The following SYT14 variants were observed in gnomAD, a reference collection of about 807,000 sequenced individuals.
SYT14 encodes synaptotagmin-14.
SYT14 carries 32 observed loss-of-function variants against 74.2 expected under a neutral mutation model. The observed-to-expected ratio is 0.43, with a 90% confidence interval of 0.33 to 0.58. The LOEUF (loss-of-function observed/expected upper bound fraction) is 0.58. Ranked by LOEUF, SYT14 falls within the 20% of genes least tolerant of loss-of-function variation. SYT14 has a pLI of 0.05. For missense variants in SYT14, 791 were observed against 981.8 expected (o/e 0.81, Z 2.60); for synonymous variants, 298 against 337.7 (o/e 0.88, Z 1.29).
exon 10 of SYT14, chr1:210,164,282 C>A (rs1267127346): frequency 3.1e-5 from 7 of 228,216 alleles, no homozygotes; most frequent in Middle Eastern, 2.0e-3. Context: ...AATTGGACCA[C>A]AATTAAAAAA....
exon 10 of SYT14, chr1:210,170,450 A>G (rs1452827972): frequency 2.0e-5 from 3 of 152,126 alleles, no homozygotes; most frequent in Non-Finnish European, 4.4e-5. Flanking sequence ...ATTGTATTAC[A>G]TACAGAAATT....
At chr1:209,939,556 TA>T (rs1360652106) in intron 1 of SYT14, among the ~76,000 whole-genome samples, 5 of 152,246 alleles carry the variant, frequency 3.3e-5, no homozygotes, top group Non-Finnish European at 7.3e-5. Flanking sequence ...GAATAAGATC[TA>T]CCTATAATCT....
intron 2 of SYT14, among the ~76,000 whole-genome samples, chr1:209,955,161 T>C (rs1441512869): frequency 6.6e-6 from 1 of 152,190 alleles, no homozygotes; most frequent in African/African-American, 2.4e-5. Flanking sequence ...TATCTAGTTC[T>C]GTTGTTTTAA....
chr1:210,051,648 G>GTA (rs1380675584), intron 5 of SYT14, among the ~76,000 whole-genome samples: 1 of 152,078 alleles, frequency 6.6e-6, no homozygotes, highest in Admixed American at 6.5e-5. Context: ...GTGTGTATGT[G>GTA]TGTATATGTA....
At chr1:210,064,447 T>C (rs1295937506) in intron 5 of SYT14, among the ~76,000 whole-genome samples, 1 of 152,060 alleles carries the variant, frequency 6.6e-6, no homozygotes, top group African/African-American at 2.4e-5. Context: ...CCTTAGTCCT[T>C]GGTAACCACT....
At chr1:210,060,965 G>A (rs957976868) in intron 5 of SYT14, among the ~76,000 whole-genome samples, 21 of 151,894 alleles carry the variant, frequency 1.4e-4, no homozygotes, top group African/African-American at 1.9e-4. Flanking sequence ...CTCTGTCATC[G>A]TTATTTAAGT....
rs115369664 is a variant in SYT14 at position 210,130,029 on chromosome 1, A to G, written c.2035-25692A>G. 2.5e-3 allele frequency among the ~76,000 whole-genome samples: 378 copies of G among 152,320 alleles called. 1 individual carries two copies. Among genetic ancestry groups the G allele is most frequent in the Non-Finnish European group, 3.4e-3 (231 of 68,030 alleles). ...TTTTCTGGATAGCCCCAGGACTGCAATGAGTCACTGTTGAGTTCTGAAATA... is the reference window on the plus strand; with the variant it reads ...TTTTCTGGATAGCCCCAGGACTGCAGTGAGTCACTGTTGAGTTCTGAAATA... On this transcript the variant is annotated intron_variant, in intron 7 of 9. Coordinates refer to ENST00000637265, the Ensembl canonical transcript of SYT14.
intron 7 of SYT14, among the ~76,000 whole-genome samples, chr1:210,146,194 C>T (rs979194994): frequency 1.3e-5 from 2 of 151,972 alleles, no homozygotes; most frequent in African/African-American, 2.4e-5. Flanking sequence ...AAAAATTAAC[C>T]GGGCGTGTTG....
At chr1:210,082,668 T>C (rs2081638502) in intron 5 of SYT14, among the ~76,000 whole-genome samples, 1 of 152,208 alleles carries the variant, frequency 6.6e-6, no homozygotes, top group South Asian at 2.1e-4. Flanking sequence ...TCCTCAACTT[T>C]ATAGCTAGGA....
exon 1 of SYT14, chr1:209,938,274 G>A (rs761685338): frequency 3.2e-6 from 5 of 1,562,720 alleles, no homozygotes; most frequent in Non-Finnish European, 4.3e-6. Flanking sequence ...CATGGCGATT[G>A]AAGGTAAGTG....
At chr1:210,141,870 T>C (rs2102673514) in intron 7 of SYT14, among the ~76,000 whole-genome samples, 1 of 152,316 alleles carries the variant, frequency 6.6e-6, no homozygotes, top group Non-Finnish European at 1.5e-5. Flanking sequence ...GCTTTGCACA[T>C]GTGTGTAGAC....
chr1:210,070,074 G>T (rs1233722527), intron 5 of SYT14, among the ~76,000 whole-genome samples: 1 of 152,030 alleles, frequency 6.6e-6, no homozygotes, highest in Non-Finnish European at 1.5e-5. Flanking sequence ...ACATCACTTA[G>T]CATAAACATT....
In SYT14 at chr1:209,988,308, G is replaced by A. The variant is rs143359212; in HGVS notation, c.-485-25325G>A. On this transcript the variant is annotated intron_variant, in intron 2 of 9. Transcript: ENST00000637265. ...GATTTAGGCTTTTAAGAAAAGTTCC[G>A]TATCTCCTCTTACCACATTCGATCA... Among the ~76,000 whole-genome samples the A allele has an allele frequency of 3.9e-5, 6 of 152,212 alleles. No homozygotes were observed. In the East Asian group the frequency reaches 7.7e-4, roughly 20 times the overall value.
chr1:210,147,383 C>G (rs184154649), intron 7 of SYT14, among the ~76,000 whole-genome samples: 3 of 152,036 alleles, frequency 2.0e-5, no homozygotes, highest in Admixed American at 6.6e-5. Flanking sequence ...ATACATAGAT[C>G]ATCAGATTGA....
chr1:209,941,285 G>A (rs2078725924), intron 1 of SYT14, among the ~76,000 whole-genome samples: 1 of 152,146 alleles, frequency 6.6e-6, no homozygotes, highest in Admixed American at 6.5e-5. Context: ...ACCACATGGA[G>A]CTAACATAAT....
chr1:209,975,299 A>C (rs951495560), intron 2 of SYT14, among the ~76,000 whole-genome samples: 10 of 152,178 alleles, frequency 6.6e-5, no homozygotes, highest in African/African-American at 1.9e-4. Flanking sequence ...TTCAAAGGGA[A>C]TGCTTCCAGT....
chr1:210,062,447 C>T (rs142973372), intron 5 of SYT14, among the ~76,000 whole-genome samples: 227 of 151,858 alleles, frequency 1.5e-3, no homozygotes, highest in African/African-American at 5.2e-3. Flanking sequence ...AAAACAAAAG[C>T]ACAATAATGT....
At chr1:210,082,420 T>C (rs35046399) in intron 5 of SYT14, among the ~76,000 whole-genome samples, 24,807 of 152,132 alleles carry the variant, frequency 0.16, 6,441 homozygotes, top group African/African-American at 0.55. Flanking sequence ...CAGGGCCACC[T>C]CTGAAAGGTA....
chr1:210,142,517 T>C (rs935739715), intron 7 of SYT14, among the ~76,000 whole-genome samples: 1 of 152,100 alleles, frequency 6.6e-6, no homozygotes, highest in Non-Finnish European at 1.5e-5. Context: ...CAAAGCCAGG[T>C]GTATGGAAGT....
Sources: gnomAD v4.1 joint callset for allele counts (sites outside exome capture counted in the v4.1 genomes callset) on GRCh38, gnomAD v4.1.1 for gene constraint, MANE v1.5 for transcripts, NCBI Gene and HGNC (gene_info 2026-07-23, HGNC 2026-07-21) for gene names.